PTPRG: variants seen among roughly 807,000 people sequenced by gnomAD.
PTPRG encodes protein tyrosine phosphatase receptor type G.
A neutral mutation model predicts 165.3 loss-of-function variants in PTPRG; 102 were observed. That is an observed-to-expected ratio of 0.62 (90% CI 0.53 to 0.73). The LOEUF is 0.73. Among genes scored for constraint, PTPRG ranks in the 30% least tolerant of loss-of-function variants. PTPRG has a pLI of 0.00. For synonymous variants in PTPRG, 675 were observed against 669.5 expected (o/e 1.01, Z -0.13); for missense variants, 1,866 against 1,861.4 (o/e 1.00, Z -0.05).
intron 2 of PTPRG, among the ~76,000 whole-genome samples, chr3:61,870,111 G>A (rs2037524248): frequency 6.6e-6 from 1 of 151,496 alleles, no homozygotes; most frequent in Admixed American, 6.6e-5. Flanking sequence ...TGAATTGTGG[G>A]AGGACACAAA....
intron 2 of PTPRG, among the ~76,000 whole-genome samples, chr3:61,922,489 T>G (rs1187440849): frequency 6.6e-6 from 1 of 152,152 alleles, no homozygotes; most frequent in Non-Finnish European, 1.5e-5. Flanking sequence ...TGAGTGTGTG[T>G]GTGTGTACGC....
At chr3:62,004,291 A>G (rs749301977) in intron 4 of PTPRG, among the ~76,000 whole-genome samples, 47 of 152,318 alleles carry the variant, frequency 3.1e-4, no homozygotes, top group Admixed American at 8.5e-4. Context: ...GTGTGGAAGA[A>G]CAAAATAGAT....
At chr3:62,284,620 C>T (rs187599093) in intron 28 of PTPRG, among the ~76,000 whole-genome samples, 1 of 152,132 alleles carries the variant, frequency 6.6e-6, no homozygotes, top group Non-Finnish European at 1.5e-5. Flanking sequence ...CAGTTTCCAT[C>T]TTACCTACTT....
intron 5 of PTPRG, among the ~76,000 whole-genome samples, chr3:62,093,314 C>G (rs1280136860): frequency 2.6e-5 from 4 of 152,158 alleles, no homozygotes; most frequent in African/African-American, 9.7e-5. Context: ...GTTCTCAACT[C>G]CTGAGGTTCA....
chr3:61,737,636 C>CG (rs931922023), intron 1 of PTPRG, among the ~76,000 whole-genome samples: 27 of 152,042 alleles, frequency 1.8e-4, no homozygotes, highest in African/African-American at 5.5e-4. Context: ...TGGTTTTACT[C>CG]GGGGGAGAGT....
rs917928269 is a variant in PTPRG, at chr3:61,615,094, C to A, written c.85+52722C>A. Among the ~76,000 whole-genome samples the A allele has an allele frequency of 2.0e-5, 3 of 152,228 alleles. No individual in the cohort carries two copies. The East Asian group carries it at 5.8e-4, about 29-fold the overall frequency. ...TCATTGCCAGCCTGGCACCCTGTCC[C>A]CTCTGGACACTTGAATGTGTATTTC... On this transcript the variant is annotated intron_variant, in intron 1 of 29. Coordinates refer to ENST00000474889, the MANE Select transcript of PTPRG (RefSeq NM_002841.4).
chr3:61,970,408 C>A (rs189337027), intron 2 of PTPRG, among the ~76,000 whole-genome samples: 1 of 152,300 alleles, frequency 6.6e-6, no homozygotes, highest in African/African-American at 2.4e-5. Context: ...GAAGAAAACA[C>A]AGTTGCCTTA....
At chr3:61,921,154 T>TCCTTCTTA in intron 2 of PTPRG, among the ~76,000 whole-genome samples, 1 of 150,908 alleles carries the variant, frequency 6.6e-6, no homozygotes, top group South Asian at 2.1e-4. Flanking sequence ...CTTCCTTCCT[T>TCCTTCTTA]CCTTCCTTCT....
At chr3:62,264,960 TA>T (rs34009731) in intron 17 of PTPRG, among the ~76,000 whole-genome samples, 65,512 of 142,956 alleles carry the variant, frequency 0.46, 14,759 homozygotes, top group African/African-American at 0.53. Context: ...TCTTACTATT[TA>T]AAAAAAAAAA....
chr3:62,120,974 C>T (rs1475416256), intron 5 of PTPRG, among the ~76,000 whole-genome samples: 2 of 151,734 alleles, frequency 1.3e-5, no homozygotes, highest in African/African-American at 4.8e-5. Context: ...ACAAGACAGC[C>T]AGCTCTGTCG....
At chr3:62,172,777 C>T (rs759830923) in intron 8 of PTPRG, among the ~76,000 whole-genome samples, 5 of 152,202 alleles carry the variant, frequency 3.3e-5, no homozygotes, top group Non-Finnish European at 7.3e-5. Context: ...CTGTAATCTT[C>T]AGGTAATTCA....
chr3:61,699,134 ATG>A (rs879569370), intron 1 of PTPRG, among the ~76,000 whole-genome samples: 12 of 152,166 alleles, frequency 7.9e-5, no homozygotes, highest in Non-Finnish European at 1.6e-4. Flanking sequence ...ACAAACCTGC[ATG>A]TTGTGCACAT....
intron 2 of PTPRG, among the ~76,000 whole-genome samples, chr3:61,773,855 A>C (rs1253168445): frequency 6.6e-6 from 1 of 151,738 alleles, no homozygotes; most frequent in Non-Finnish European, 1.5e-5. Flanking sequence ...GCTCACCACA[A>C]CCTCCGTCCC....
At chr3:61,685,585 A>G (rs1703598531) in intron 1 of PTPRG, among the ~76,000 whole-genome samples, 2 of 152,210 alleles carry the variant, frequency 1.3e-5, no homozygotes, top group East Asian at 3.9e-4. Context: ...TGGCTGGGGA[A>G]GAGCTTTGCC....
intron 1 of PTPRG, among the ~76,000 whole-genome samples, chr3:61,735,715 T>G (rs2032693886): frequency 6.6e-6 from 1 of 152,150 alleles, no homozygotes; most frequent in Admixed American, 6.5e-5. Context: ...GATGCATGAT[T>G]ATAGAGCCAT....
chr3:62,002,822 T>G (rs2041206187), intron 3 of PTPRG, among the ~76,000 whole-genome samples: 1 of 152,222 alleles, frequency 6.6e-6, no homozygotes, highest in Non-Finnish European at 1.5e-5. Context: ...GTCTTCCCAC[T>G]TACTGTTGCC....
chr3:61,868,828 A>T (rs1406954385), intron 2 of PTPRG, among the ~76,000 whole-genome samples: 1 of 151,650 alleles, frequency 6.6e-6, no homozygotes, highest in Non-Finnish European at 1.5e-5. Context: ...TGGTCTTTGT[A>T]TCTAAAATGG....
intron 2 of PTPRG, among the ~76,000 whole-genome samples, chr3:61,890,423 G>GTTTTTTTTTT (rs11328993): frequency 1.7e-5 from 2 of 119,210 alleles, no homozygotes. Context: ...TTTTTTTTTT[G>GTTTTTTTTTT]TTTTTTTTTT....
intron 2 of PTPRG, among the ~76,000 whole-genome samples, chr3:61,952,958 A>G (rs940340094): frequency 5.3e-5 from 8 of 152,196 alleles, no homozygotes; most frequent in Admixed American, 6.5e-5. Flanking sequence ...AAATGGGAAT[A>G]TGAATGTATC....
Sources: allele counts gnomAD v4.1 joint callset (sites outside exome capture counted in the v4.1 genomes callset), GRCh38; gene constraint gnomAD v4.1.1; transcripts MANE v1.5; gene names NCBI Gene and HGNC (gene_info 2026-07-23, HGNC 2026-07-21).